The following ELL2 variants were observed in gnomAD, a reference collection of about 807,000 sequenced individuals.
The protein encoded by ELL2 is RNA polymerase II elongation factor ELL2.
A neutral mutation model predicts 72.8 loss-of-function variants in ELL2; 21 were observed. The observed-to-expected ratio is 0.29, with a 90% CI of 0.20 to 0.42. The LOEUF (loss-of-function observed/expected upper bound fraction) is 0.42. Ranked by LOEUF, ELL2 falls within the 10% of genes least tolerant of loss-of-function variation. The probability of loss-of-function intolerance (pLI) is 1.00; values close to 1 mark genes in which losing one functional copy is unlikely to be tolerated. For missense variants in ELL2, 568 were observed against 772.8 expected (o/e 0.73, Z 3.14); for synonymous variants, 266 against 283.2 (o/e 0.94, Z 0.61).
intron 3 of ELL2, among the ~76,000 whole-genome samples, chr5:95,917,742 T>C (rs1432742961): frequency 8.1e-6 from 1 of 123,388 alleles, no homozygotes; most frequent in Non-Finnish European, 1.6e-5. Context: ...GTTTTGTAAG[T>C]GACCTTAAAT....
At chr5:95,890,351 C>G (rs1010436182) in intron 10 of ELL2, among the ~76,000 whole-genome samples, 3 of 152,172 alleles carry the variant, frequency 2.0e-5, no homozygotes, top group African/African-American at 4.8e-5. Context: ...CATTGTCTCA[C>G]GTAGGCTCCA....
chr5:95,943,126 T>A, intron 1 of ELL2, 77 bp from the exon 2 acceptor site: 9 of 1,310,036 alleles, frequency 6.9e-6, no homozygotes, highest in Non-Finnish European at 7.4e-6. Context: ...AAACTTTAAA[T>A]CTATGTTATT....
chr5:95,918,954 T>C (rs899835316), intron 3 of ELL2, among the ~76,000 whole-genome samples: 3 of 151,822 alleles, frequency 2.0e-5, no homozygotes, highest in Non-Finnish European at 4.4e-5. Flanking sequence ...CATGCAGCTG[T>C]AGAATAAAGA....
intron 4 of ELL2, among the ~76,000 whole-genome samples, chr5:95,912,565 G>T (rs1403860287): frequency 1.3e-5 from 2 of 152,270 alleles, no homozygotes; most frequent in Non-Finnish European, 2.9e-5. Context: ...GTTACTTCTG[G>T]GGATAAAGGA....
At chr5:95,891,318 A>C in intron 9 of ELL2, 44 bp from the exon 10 acceptor site, 1 of 1,554,780 alleles carries the variant, frequency 6.4e-7, no homozygotes, top group Non-Finnish European at 8.7e-7. Flanking sequence ...CCCAATAAAC[A>C]TGATTGCACA....
Position 95,901,084 on chromosome 5 carries a change from G to A in ELL2, c.742-4C>T, listed in dbSNP as rs1749121797. The A allele has an allele frequency of 8.8e-6, 14 of 1,595,600 alleles. No individual in the cohort carries two copies. Among genetic ancestry groups the A allele is most frequent in the Non-Finnish European group, 1.0e-5 (12 of 1,175,216 alleles). On this transcript the variant is annotated splice_polypyrimidine_tract_variant and splice_region_variant and intron_variant, in intron 5 of 11. Coordinates refer to ENST00000237853, the MANE Select transcript of ELL2 (RefSeq NM_012081.6). ...CCTTAGAATTCAGATTGGCTACCTA[G>A]TATGAGGTATAAAAACAGAGCATTA...
intron 1 of ELL2, among the ~76,000 whole-genome samples, chr5:95,950,393 G>T (rs1207936420): frequency 1.3e-5 from 2 of 152,104 alleles, no homozygotes; most frequent in East Asian, 3.8e-4. Context: ...GTCTAGGCAA[G>T]GAGAGAGGAG....
intron 1 of ELL2, among the ~76,000 whole-genome samples, chr5:95,957,764 T>A (rs1021092320): frequency 3.3e-5 from 5 of 152,022 alleles, no homozygotes; most frequent in Non-Finnish European, 7.4e-5. Flanking sequence ...AGTGAGGAAT[T>A]GTAATTTGAA....
At chr5:95,928,466 A>G (rs867872232) in intron 2 of ELL2, among the ~76,000 whole-genome samples, 16 of 152,270 alleles carry the variant, frequency 1.1e-4, no homozygotes, top group African/African-American at 3.9e-4. Flanking sequence ...TCTCGTTCCT[A>G]AATCTTTCCA....
In ELL2 at chr5:95,886,980, G is replaced by A. The variant is rs1748485700; in HGVS notation, c.*1891C>T. ...TTACCTATAGACGAACCACTCAGGA[G>A]ACTCTATCATAATAATATGATGCCT... is the stretch of plus-strand genomic sequence containing the variant. On this transcript the variant is annotated 3_prime_UTR_variant, in exon 12 of 12. Transcript: ENST00000237853. The A allele has an allele frequency of 6.6e-6, 1 of 152,152 alleles. No homozygotes were observed. The highest frequency in any genetic ancestry group is 1.5e-5 in the Non-Finnish European group (1 of 68,034). 9.4% of individuals were successfully genotyped at this position (152,152 alleles called of 1,614,324 possible).
In ELL2 at chr5:95,906,615, T is replaced by C; in HGVS notation, c.649A>G (p.Lys217Glu). Residue 217 changes from lysine (K) to glutamate (E), a missense_variant, in exon 5 of 12, where the codon AAG (lysine) becomes GAG (glutamate). Coordinates refer to ENST00000237853, the MANE Select transcript of ELL2 (RefSeq NM_012081.6). Reference sequence around the variant, plus strand: ...AGTAGCTCCGGTTTCTTGTAGGCCTTCAGGGCCAGTAAGTGAATCACCCTG... The same window carrying C: ...AGTAGCTCCGGTTTCTTGTAGGCCTCCAGGGCCAGTAAGTGAATCACCCTG... ...RDRVIHLLAL[K>E]AYKKPELLAR... 6.2e-7 allele frequency: 1 copy of C among 1,614,132 alleles called. No homozygotes were observed.
chr5:95,923,378 C>T (rs897523131), intron 2 of ELL2, among the ~76,000 whole-genome samples: 6 of 152,180 alleles, frequency 3.9e-5, no homozygotes, highest in Non-Finnish European at 8.8e-5. Context: ...CCACCTCTGT[C>T]CTCACCTCTG....
intron 1 of ELL2, 32 bp downstream of exon 1, chr5:95,961,543 T>G (rs1294275705): frequency 1.3e-6 from 2 of 1,543,590 alleles, no homozygotes; most frequent in Non-Finnish European, 1.7e-6. Flanking sequence ...GCTCTGCCTC[T>G]CTGAGCCCAG....
At chr5:95,906,870 T>C in intron 4 of ELL2, 88 bp from the exon 5 acceptor site, 2 of 1,338,250 alleles carry the variant, frequency 1.5e-6, no homozygotes. Context: ...TAGGTACCTC[T>C]TCATTTCTAG....
At chr5:95,907,913 G>C (rs1452988186) in intron 4 of ELL2, among the ~76,000 whole-genome samples, 1 of 152,210 alleles carries the variant, frequency 6.6e-6, no homozygotes, top group Non-Finnish European at 1.5e-5. Context: ...TTACTGAATA[G>C]TAATTCTGTC....
chr5:95,927,408 CGTGTGTATATAGACAT>C lies in ELL2; in HGVS notation c.196-7879_196-7864del, dbSNP rs1750347556. ...GTGTGTATATATAGACATACACACA[CGTGTGTATATAGACAT>C]ACACACACACGTGTGTATATAGACA... is the stretch of plus-strand genomic sequence containing the variant. On this transcript the variant is annotated intron_variant, in intron 2 of 11. Transcript: ENST00000237853. Among the ~76,000 whole-genome samples, 8 of 25,480 alleles carry C rather than the reference CGTGTGTATATAGACAT, an allele frequency of 3.1e-4. 1 individual carries two copies. Among genetic ancestry groups the C allele is most frequent in the Non-Finnish European group, 4.3e-4 (6 of 13,978 alleles). 16.7% of individuals were successfully genotyped at this position (25,480 alleles called of 152,430 possible).
In ELL2 at chr5:95,961,741, C is replaced by T; in HGVS notation, c.-20G>A. Reference sequence around the variant, plus strand: ...CGCCATCTTAAACTCCCCGGGGTGCCGCCGCCGCCGCCGCTCCGGCTCTAG... The same window carrying T: ...CGCCATCTTAAACTCCCCGGGGTGCTGCCGCCGCCGCCGCTCCGGCTCTAG... On this transcript the variant is annotated 5_prime_UTR_variant, in exon 1 of 12. Transcript: ENST00000237853. The T allele has an allele frequency of 6.5e-7, 1 of 1,537,612 alleles. No homozygotes were observed. The highest frequency in any genetic ancestry group is 2.5e-5 in the East Asian group (1 of 40,656).
intron 3 of ELL2, among the ~76,000 whole-genome samples, chr5:95,917,652 C>T (rs1335414310): frequency 6.6e-6 from 1 of 152,112 alleles, no homozygotes; most frequent in Non-Finnish European, 1.5e-5. Flanking sequence ...TTATAAGGCA[C>T]CTTGGATTAT....
intron 8 of ELL2, among the ~76,000 whole-genome samples, chr5:95,896,919 A>C (rs1276674993): frequency 6.6e-6 from 1 of 152,192 alleles, no homozygotes; most frequent in African/African-American, 2.4e-5. Context: ...CTGAGGGTGG[A>C]AAGTGTGGAG....
Sources: allele counts gnomAD v4.1 joint callset (sites outside exome capture counted in the v4.1 genomes callset), GRCh38; gene constraint gnomAD v4.1.1; transcripts MANE v1.5; gene names NCBI Gene and HGNC (gene_info 2026-07-23, HGNC 2026-07-21).